Variants in RB1CC1 observed in about 807,000 individuals in gnomAD.
The protein encoded by RB1CC1 is RB1-inducible coiled-coil protein 1.
In RB1CC1, 46 loss-of-function variants were observed where a neutral mutation model predicts 177.5. The observed-to-expected ratio is 0.26, with a 90% CI of 0.20 to 0.33. The LOEUF (loss-of-function observed/expected upper bound fraction) is 0.33, where lower values mean the gene tolerates loss of function less well. Ranked by LOEUF, RB1CC1 falls within the 10% of genes least tolerant of loss-of-function variation. RB1CC1 has a pLI of 1.00. For missense variants in RB1CC1, 1,703 were observed against 1,816.3 expected, an observed-to-expected ratio of 0.94 and a Z score of 1.13; for synonymous variants, 666 against 613.6, an observed-to-expected ratio of 1.09 and a Z score of -1.26.
Position 52,661,725 on chromosome 8 carries a change from A to T in RB1CC1, c.1174-6T>A, listed in dbSNP as rs770133614. On this transcript the variant is annotated splice_region_variant and splice_polypyrimidine_tract_variant and intron_variant, in intron 8 of 23. Transcript: ENST00000025008. ...TTCTGATTAGCTAAAAATCCCTTTG[A>T]GAAAAAAAATGTTTCAAAGGACATT... 1.6e-5 allele frequency: 24 copies of T among 1,539,894 alleles called. No individual in the cohort carries two copies. Among genetic ancestry groups the T allele is most frequent in the Non-Finnish European group, 2.0e-5 (23 of 1,146,860 alleles).
rs768618918 is a variant in RB1CC1, at chr8:52,628,186, A to C, written c.4500-18T>G. The C allele has an allele frequency of 6.2e-7, 1 of 1,602,250 alleles. No homozygotes were observed. Among genetic ancestry groups the C allele is most frequent in the African/African-American group, 1.3e-5 (1 of 74,320 alleles). Reference sequence around the variant, plus strand: ...CCTGAAAACTGAATAAAGAAATGCAATTTTATTGACTTAGAGTTACTTTCA... The same window carrying C: ...CCTGAAAACTGAATAAAGAAATGCACTTTTATTGACTTAGAGTTACTTTCA... On this transcript the variant is annotated intron_variant, in intron 21 of 23. Coordinates refer to ENST00000025008, the MANE Select transcript of RB1CC1 (RefSeq NM_014781.5).
intron 15 of RB1CC1, among the ~76,000 whole-genome samples, chr8:52,648,799 T>C (rs1319478676): frequency 6.6e-6 from 1 of 152,216 alleles, no homozygotes; most frequent in Admixed American, 6.5e-5. Context: ...GCATTTGATT[T>C]TTTTTCTTAC....
intron 1 of RB1CC1, among the ~76,000 whole-genome samples, chr8:52,704,823 A>G (rs1856411739): frequency 6.6e-6 from 1 of 152,220 alleles, no homozygotes; most frequent in South Asian, 2.1e-4. Flanking sequence ...AAATAAGCCT[A>G]GTACATAAGT....
At chr8:52,646,093 A>C (rs1476320350) in intron 15 of RB1CC1, among the ~76,000 whole-genome samples, 2 of 152,240 alleles carry the variant, frequency 1.3e-5, no homozygotes, top group Admixed American at 6.5e-5. Context: ...TCAGTATAGC[A>C]GATAAATTCC....
chr8:52,673,946 G>A lies in RB1CC1; in HGVS notation c.901C>T (p.Leu301=), dbSNP rs759416919. The change falls in exon 7 of 24, where the codon CTG becomes TTG. Residue 301 remains leucine, a synonymous_variant. Coordinates refer to ENST00000025008, the MANE Select transcript of RB1CC1 (RefSeq NM_014781.5). ...ETTIDTKDGD[L]PFFNVSLLDW... is the part of the protein sequence containing the mutation. Reference sequence around the variant, plus strand: ...AACAAAGAGACATTAAAAAAGGGCAGATCACCATCTTTAGTGTCAATCGTA... The same window carrying A: ...AACAAAGAGACATTAAAAAAGGGCAAATCACCATCTTTAGTGTCAATCGTA... The A allele has an allele frequency of 2.5e-6, 4 of 1,614,064 alleles. No homozygotes were observed. The highest frequency in any genetic ancestry group is 1.7e-6 in the Non-Finnish European group (2 of 1,179,968).
At chr8:52,659,082 T>A in intron 12 of RB1CC1, 106 bp from the exon 13 acceptor site, 1 of 510,286 alleles carries the variant, frequency 2.0e-6, no homozygotes, top group Non-Finnish European at 3.4e-6. Flanking sequence ...CCAAACAAAC[T>A]AAAGTGCTTT....
At chr8:52,648,723 T>C (rs897172893) in intron 15 of RB1CC1, among the ~76,000 whole-genome samples, 3 of 152,178 alleles carry the variant, frequency 2.0e-5, no homozygotes, top group African/African-American at 7.2e-5. Context: ...AAAAAGAGAA[T>C]GAATGGGCTC....
At chr8:52,637,658 CATTTATTT>C (rs561831982) in intron 18 of RB1CC1, among the ~76,000 whole-genome samples, 10 of 151,176 alleles carry the variant, frequency 6.6e-5, no homozygotes, top group Non-Finnish European at 1.0e-4. Context: ...AATCTAGATG[CATTTATTT>C]ATTTATTTAT....
chr8:52,694,712 T>C (rs1447250069), intron 1 of RB1CC1, among the ~76,000 whole-genome samples: 1 of 152,148 alleles, frequency 6.6e-6, no homozygotes, highest in East Asian at 1.9e-4. Context: ...TTCCATCATA[T>C]GGAAGTGACA....
intron 1 of RB1CC1, among the ~76,000 whole-genome samples, chr8:52,711,283 T>C (rs1857042825): frequency 6.6e-6 from 1 of 152,068 alleles, no homozygotes; most frequent in Non-Finnish European, 1.5e-5. Flanking sequence ...TAGAAAGAAA[T>C]GCCATCCTCT....
chr8:52,707,222 T>C (rs192683203), intron 1 of RB1CC1, among the ~76,000 whole-genome samples: 193 of 152,326 alleles, frequency 1.3e-3, no homozygotes, highest in Non-Finnish European at 2.2e-3. Context: ...TATTAACTAA[T>C]CCAGATCTCT....
Position 52,680,122 on chromosome 8 carries a change from A to C in RB1CC1, c.369+3427T>G, listed in dbSNP as rs1023299907. ...AAAATTTTAACATGAAATCTACACT[A>C]AATTACCCTAATTTAGTGTAGAAAA... On this transcript the variant is annotated intron_variant, in intron 5 of 23. Transcript: ENST00000025008. Among the ~76,000 whole-genome samples the C allele has an allele frequency of 2.0e-5, 3 of 152,180 alleles. No individual in the cohort carries two copies. The East Asian group carries it at 5.8e-4, about 29-fold the overall frequency.
intron 6 of RB1CC1, among the ~76,000 whole-genome samples, chr8:52,675,512 A>T (rs1853017949): frequency 6.6e-6 from 1 of 152,120 alleles, no homozygotes; most frequent in African/African-American, 2.4e-5. Flanking sequence ...TAAAAAAAGA[A>T]TCAATGTGTA....
chr8:52,676,605 G>T (rs767297206), intron 5 of RB1CC1, 34 bp from the exon 6 acceptor site: 1 of 1,561,818 alleles, frequency 6.4e-7, no homozygotes, highest in Non-Finnish European at 8.8e-7. Context: ...GAAAGTAAAA[G>T]AAGGCAATGG....
intron 1 of RB1CC1, among the ~76,000 whole-genome samples, chr8:52,699,830 A>ATAT (rs1475065809): frequency 7.5e-5 from 2 of 26,718 alleles, no homozygotes; most frequent in Non-Finnish European, 1.5e-4. Context: ...AAAAAAAAAA[A>ATAT]ATATATATAT....
Position 52,657,531 on chromosome 8 carries a change from T to C in RB1CC1, c.2298A>G (p.Ser766=), listed in dbSNP as rs150853819. 1.4e-5 allele frequency: 23 copies of C among 1,613,926 alleles called. No individual in the cohort carries two copies. Among genetic ancestry groups the C allele is most frequent in the South Asian group, 2.2e-5 (2 of 91,088 alleles). The change falls in exon 15 of 24, where the codon TCA becomes TCG. Residue 766 remains serine (S), a synonymous_variant. Transcript: ENST00000025008. Reference sequence around the variant, plus strand: ...TACTGTCTATCGCATTGATAACTGATGAATAAAGTGATTCCACCATCATTT... The same window carrying C: ...TACTGTCTATCGCATTGATAACTGACGAATAAAGTGATTCCACCATCATTT... ...SPEMMVESLY[S]SVINAIDSRR...
chr8:52,648,407 T>C (rs1366167220), intron 15 of RB1CC1, among the ~76,000 whole-genome samples: 1 of 152,208 alleles, frequency 6.6e-6, no homozygotes, highest in African/African-American at 2.4e-5. Context: ...GAAATGGCCC[T>C]GCTATCAGGG....
chr8:52,692,838 G>T (rs1855021922), intron 1 of RB1CC1, among the ~76,000 whole-genome samples: 1 of 152,146 alleles, frequency 6.6e-6, no homozygotes, highest in African/African-American at 2.4e-5. Flanking sequence ...TAAGAAGAGT[G>T]GAATAACAGA....
In RB1CC1 at chr8:52,657,454, G is replaced by T; in HGVS notation, c.2375C>A (p.Thr792Asn). Residue 792 changes from threonine (T) to asparagine (N), a missense_variant, in exon 15 of 24, where the codon ACT becomes AAT. Physicochemically the swap from Thr to Asn is moderately conservative, Grantham distance 65. This residue lies in a region of RB1CC1 where 1,169 missense variants were observed against 1,184.7 expected (regional missense o/e 0.99). Transcript: ENST00000025008. ...VCGKEDFGDH[T>N]SLNVQLERCR... ...TCTTTCCAACTGGACATTCAGAGAA[G>T]TATGATCTCCAAAATCCTCCTTACC... 1.2e-6 allele frequency: 2 copies of T among 1,613,676 alleles called. No individual in the cohort carries two copies. Among genetic ancestry groups the T allele is most frequent in the East Asian group, 4.5e-5 (2 of 44,866 alleles).
Sources: allele counts gnomAD v4.1 joint callset (sites outside exome capture counted in the v4.1 genomes callset), GRCh38; gene constraint gnomAD v4.1.1; regional missense constraint gnomAD v4.1.1; transcripts MANE v1.5; gene names NCBI Gene and HGNC (gene_info 2026-07-23, HGNC 2026-07-21).